SLC16A12: variants seen among roughly 807,000 people sequenced by gnomAD.
The protein encoded by SLC16A12 is monocarboxylate transporter 12.
In SLC16A12, 17 loss-of-function variants were observed where a neutral mutation model predicts 42.4. The ratio of observed to expected loss-of-function variants is 0.40; its 90% CI spans 0.27 to 0.60. SLC16A12 has a LOEUF of 0.60. Among genes scored for constraint, SLC16A12 ranks in the 20% least tolerant of loss-of-function variants. The pLI is 0.42. For synonymous variants in SLC16A12, 224 were observed against 229.4 expected (o/e 0.98, Z 0.21); for missense variants, 544 against 623.0 (o/e 0.87, Z 1.35).
intron 2 of SLC16A12, among the ~76,000 whole-genome samples, chr10:89,531,710 G>C (rs1341599730): frequency 3.3e-5 from 5 of 152,160 alleles, no homozygotes; most frequent in Non-Finnish European, 5.9e-5. Flanking sequence ...AGCCTCAACT[G>C]GTTCCCAAGA....
intron 2 of SLC16A12, among the ~76,000 whole-genome samples, chr10:89,505,491 C>A (rs1277124760): frequency 6.6e-6 from 1 of 152,106 alleles, no homozygotes; most frequent in Non-Finnish European, 1.5e-5. Flanking sequence ...CTCTGGTCTG[C>A]AGCTCCCAGC....
upstream of SLC16A12, among the ~76,000 whole-genome samples, chr10:89,536,491 C>A (rs1843664382): frequency 6.6e-6 from 1 of 151,902 alleles, no homozygotes; most frequent in Non-Finnish European, 1.5e-5. Flanking sequence ...GAGGTGTAGG[C>A]GCCCGGTACA....
At chr10:89,438,513 A>G in intron 6 of SLC16A12, 91 bp downstream of exon 6, 1 of 1,139,178 alleles carries the variant, frequency 8.8e-7, no homozygotes, top group Non-Finnish European at 1.3e-6. Flanking sequence ...CATTATTCAG[A>G]CCTAGGTACT....
intron 2 of SLC16A12, among the ~76,000 whole-genome samples, chr10:89,471,629 A>C (rs1425655162): frequency 6.6e-6 from 1 of 152,162 alleles, no homozygotes; most frequent in East Asian, 1.9e-4. Context: ...ATATGTTTTC[A>C]TTCTCTTGAG....
intron 2 of SLC16A12, among the ~76,000 whole-genome samples, chr10:89,486,610 AGAAAGAAAG>A (rs1842750142): frequency 2.9e-5 from 2 of 68,528 alleles, no homozygotes; most frequent in Admixed American, 1.2e-4. Flanking sequence ...AAAAAAAGAA[AGAAAGAAAG>A]AAAGAAAGAA....
chr10:89,464,837 C>T (rs906123272), intron 2 of SLC16A12, among the ~76,000 whole-genome samples: 3 of 152,156 alleles, frequency 2.0e-5, no homozygotes, highest in Non-Finnish European at 4.4e-5. Context: ...CCTTTTGAAG[C>T]CTCAGGTCTT....
At chr10:89,526,040 CA>C (rs1304279583) in intron 2 of SLC16A12, among the ~76,000 whole-genome samples, 1 of 152,110 alleles carries the variant, frequency 6.6e-6, no homozygotes, top group Non-Finnish European at 1.5e-5. Context: ...GAAGGGGCCC[CA>C]GTGATTTGTG....
At chr10:89,454,862 AG>A (rs1179045948) in intron 3 of SLC16A12, among the ~76,000 whole-genome samples, 2 of 152,134 alleles carry the variant, frequency 1.3e-5, no homozygotes, top group African/African-American at 4.8e-5. Context: ...GTGACAGAAA[AG>A]ACCATGTCTG....
At chr10:89,484,601 T>C (rs545062967) in intron 2 of SLC16A12, among the ~76,000 whole-genome samples, 1 of 152,216 alleles carries the variant, frequency 6.6e-6, no homozygotes, top group Admixed American at 6.5e-5. Flanking sequence ...ATCCAATAAA[T>C]AGTCTGTCCA....
At chr10:89,539,909 C>CTTTCTTTCTTTCTTT (rs370913553), upstream of SLC16A12, among the ~76,000 whole-genome samples, 1 of 137,048 alleles carries the variant, frequency 7.3e-6, no homozygotes, top group African/African-American at 2.8e-5. Context: ...TTCTTTCTTT[C>CTTTCTTTCTTTCTTT]TTTTTTCTTT....
chr10:89,470,268 A>G (rs993482056), intron 2 of SLC16A12, among the ~76,000 whole-genome samples: 2 of 152,216 alleles, frequency 1.3e-5, no homozygotes, highest in African/African-American at 4.8e-5. Context: ...AGGAAGGGTG[A>G]TGAGCTGCCC....
chr10:89,489,665 T>C (rs968702344), intron 2 of SLC16A12, among the ~76,000 whole-genome samples: 1 of 152,146 alleles, frequency 6.6e-6, no homozygotes, highest in Non-Finnish European at 1.5e-5. Flanking sequence ...TTAAATGAGA[T>C]CTTAAAAACT....
At chr10:89,546,029 CAA>C (rs768049656) in intron 2 of SLC16A12, among the ~76,000 whole-genome samples, 305 of 152,224 alleles carry the variant, frequency 2.0e-3, no homozygotes, top group Non-Finnish European at 3.7e-3. Flanking sequence ...ACATCTTATA[CAA>C]AAATTAACTC....
chr10:89,492,203 G>A (rs571408396), intron 2 of SLC16A12, among the ~76,000 whole-genome samples: 4 of 152,272 alleles, frequency 2.6e-5, no homozygotes, highest in African/African-American at 9.6e-5. Flanking sequence ...CTGTGCATGT[G>A]TTAATTGATC....
intron 2 of SLC16A12, among the ~76,000 whole-genome samples, chr10:89,531,105 T>A (rs928189366): frequency 1.3e-5 from 2 of 152,136 alleles, no homozygotes; most frequent in Non-Finnish European, 2.9e-5. Context: ...GTTTAGGCAA[T>A]ATTTCATTAA....
At chr10:89,518,494 G>A (rs1180481794) in intron 2 of SLC16A12, among the ~76,000 whole-genome samples, 3 of 152,176 alleles carry the variant, frequency 2.0e-5, no homozygotes, top group African/African-American at 4.8e-5. Flanking sequence ...AACTGTTCAC[G>A]GTGCAAGCCT....
In SLC16A12 at chr10:89,488,848, A is replaced by C. The variant is rs144183851; in HGVS notation, c.-46-26224T>G. Among the ~76,000 whole-genome samples the C allele has an allele frequency of 6.8e-3, 1,035 of 152,370 alleles. 46 individuals are homozygous for C. The highest frequency in any genetic ancestry group is 2.3e-3 in the East Asian group (12 of 5,194). ...TGAGATCTGGTTAGGAATATTCTGC[A>C]TAATATCAGGATAAGTCCAGGATGT... On this transcript the variant is annotated intron_variant, in intron 2 of 7. Transcript: ENST00000371790.
intron 2 of SLC16A12, among the ~76,000 whole-genome samples, chr10:89,472,302 A>T (rs371915604): frequency 0.52 from 78,359 of 151,736 alleles, 20,571 homozygotes; most frequent in African/African-American, 0.55. Context: ...ATAATGTAAT[A>T]ATAAAACAGC....
chr10:89,497,344 C>T (rs303180), intron 2 of SLC16A12, among the ~76,000 whole-genome samples: 77,205 of 151,952 alleles, frequency 0.51, 19,934 homozygotes, highest in Non-Finnish European at 0.54. Context: ...TCAAAAAATA[C>T]AGGTAGAAAC....
Sources: allele counts gnomAD v4.1 joint callset (sites outside exome capture counted in the v4.1 genomes callset), GRCh38; gene constraint gnomAD v4.1.1; transcripts MANE v1.5; gene names NCBI Gene and HGNC (gene_info 2026-07-23, HGNC 2026-07-21).